Variants in NOL4 observed in about 807,000 individuals in gnomAD.
The protein encoded by NOL4 is cancer/testis antigen 125.
NOL4 carries 17 observed loss-of-function variants against 75.9 expected under a neutral mutation model. The ratio of observed to expected loss-of-function variants is 0.22; its 90% CI spans 0.15 to 0.34. NOL4 has a LOEUF of 0.34. Ranked by LOEUF, NOL4 falls within the 10% of genes least tolerant of loss-of-function variation. The probability of loss-of-function intolerance (pLI) is 1.00; values close to 1 mark genes in which losing one functional copy is unlikely to be tolerated. For missense variants in NOL4, 614 were observed against 793.5 expected, an observed-to-expected ratio of 0.77 and a Z score of 2.72; for synonymous variants, 292 against 289.9, an observed-to-expected ratio of 1.01 and a Z score of -0.07.
intron 6 of NOL4, among the ~76,000 whole-genome samples, chr18:33,982,576 T>A (rs147650488): frequency 1.6e-3 from 245 of 152,130 alleles, no homozygotes; most frequent in African/African-American, 5.6e-3. Context: ...ACACCAACAG[T>A]ACCACAGGGA....
intron 4 of NOL4, among the ~76,000 whole-genome samples, chr18:34,095,449 T>C (rs1168156531): frequency 2.0e-5 from 3 of 152,074 alleles, no homozygotes; most frequent in Non-Finnish European, 2.9e-5. Context: ...TGTGATGTCA[T>C]AGTATTTTAG....
intron 5 of NOL4, among the ~76,000 whole-genome samples, chr18:34,074,215 AT>A (rs1242885890): frequency 1.8e-4 from 27 of 146,682 alleles, no homozygotes; most frequent in East Asian, 5.8e-4. Flanking sequence ...CAATATTCAT[AT>A]TTTTTAATAT....
intron 5 of NOL4, among the ~76,000 whole-genome samples, chr18:34,066,720 G>T (rs1385392987): frequency 6.7e-6 from 1 of 149,352 alleles, no homozygotes; most frequent in Non-Finnish European, 1.5e-5. Context: ...AAGTATAAGT[G>T]TATGTTCCTT....
intron 10 of NOL4, among the ~76,000 whole-genome samples, chr18:33,881,123 A>T (rs936652795): frequency 2.0e-5 from 3 of 151,920 alleles, no homozygotes; most frequent in Non-Finnish European, 4.4e-5. Context: ...TTCTCTTTGA[A>T]GCAATTGTGA....
intron 1 of NOL4, chr18:34,156,651 C>G (rs1271733580): frequency 6.6e-6 from 1 of 152,352 alleles, no homozygotes; most frequent in Non-Finnish European, 1.5e-5. Context: ...CACGTCTGTT[C>G]ACTCGTCTCC....
chr18:33,889,933 C>T (rs1010430568), intron 9 of NOL4, among the ~76,000 whole-genome samples: 7 of 152,104 alleles, frequency 4.6e-5, no homozygotes, highest in Admixed American at 3.9e-4. Flanking sequence ...CAATATCATA[C>T]TGAATGGGCA....
chr18:33,932,147 T>C (rs2067733218), intron 9 of NOL4, among the ~76,000 whole-genome samples: 1 of 152,094 alleles, frequency 6.6e-6, no homozygotes, highest in African/African-American at 2.4e-5. Context: ...CATTTCCACA[T>C]TGAAATACAT....
At chr18:33,890,143 G>C (rs1222809598) in intron 9 of NOL4, among the ~76,000 whole-genome samples, 1 of 152,078 alleles carries the variant, frequency 6.6e-6, no homozygotes, top group South Asian at 2.1e-4. Flanking sequence ...AAACCCCATC[G>C]TCTCAGCCCA....
At chr18:33,928,762 C>T (rs1167929243) in intron 9 of NOL4, among the ~76,000 whole-genome samples, 3 of 152,034 alleles carry the variant, frequency 2.0e-5, no homozygotes, top group African/African-American at 7.2e-5. Context: ...AAAAAGCAGT[C>T]TTTAAGATAG....
chr18:33,856,180 T>G (rs1253919238), intron 10 of NOL4, among the ~76,000 whole-genome samples: 2 of 152,036 alleles, frequency 1.3e-5, no homozygotes, highest in Non-Finnish European at 2.9e-5. Flanking sequence ...TGTTTGTATT[T>G]GTAGAATCAA....
intron 4 of NOL4, among the ~76,000 whole-genome samples, chr18:34,097,785 T>C (rs1282194902): frequency 6.6e-6 from 1 of 151,234 alleles, no homozygotes; most frequent in East Asian, 1.9e-4. Context: ...AACATCTTAA[T>C]AGATAAATTG....
chr18:33,865,457 A>T (rs2063385103), intron 10 of NOL4, among the ~76,000 whole-genome samples: 2 of 152,068 alleles, frequency 1.3e-5, no homozygotes, highest in Admixed American at 1.3e-4. Flanking sequence ...GTCTGGAGAT[A>T]TGGAGCCCAC....
At chr18:34,185,265 T>C (rs1430357196) in intron 1 of NOL4, among the ~76,000 whole-genome samples, 1 of 152,114 alleles carries the variant, frequency 6.6e-6, no homozygotes, top group African/African-American at 2.4e-5. Context: ...TGGCAGAACA[T>C]ACAAGACTTC....
intron 6 of NOL4, among the ~76,000 whole-genome samples, chr18:33,974,300 C>T (rs2071321695): frequency 6.6e-6 from 1 of 152,164 alleles, no homozygotes; most frequent in African/African-American, 2.4e-5. Context: ...GGGACTTGCT[C>T]TGGAATAGGC....
At chr18:33,993,200 A>G (rs1234068526) in intron 6 of NOL4, among the ~76,000 whole-genome samples, 1 of 151,924 alleles carries the variant, frequency 6.6e-6, no homozygotes, top group African/African-American at 2.4e-5. Flanking sequence ...ATTAGTCTGA[A>G]CAGCAAATTA....
intron 5 of NOL4, among the ~76,000 whole-genome samples, chr18:34,059,631 T>C (rs1425936209): frequency 1.3e-5 from 2 of 152,098 alleles, no homozygotes; most frequent in Non-Finnish European, 2.9e-5. Flanking sequence ...AACTTTCTCC[T>C]TGTGAAATAA....
intron 1 of NOL4, among the ~76,000 whole-genome samples, chr18:34,163,876 C>G (rs1489250175): frequency 6.6e-6 from 1 of 152,148 alleles, no homozygotes; most frequent in African/African-American, 2.4e-5. Context: ...CAGCATGGTA[C>G]TGGTACCAAA....
Position 34,087,396 on chromosome 18 carries a change from C to T in NOL4, c.772+6069G>A, listed in dbSNP as rs545120154. 5.3e-5 allele frequency among the ~76,000 whole-genome samples: 8 copies of T among 152,170 alleles called. No homozygotes were observed. In the East Asian group the frequency reaches 1.5e-3, roughly 29 times the overall value. On this transcript the variant is annotated intron_variant, in intron 5 of 10. Coordinates refer to ENST00000261592, the MANE Select transcript of NOL4 (RefSeq NM_003787.5). ...AGGATTGTGATAATTTTCGAGTGTA[C>T]AAGTCAAGAGATACACAATGTACAT...
At chr18:33,858,950 G>C (rs555595697) in intron 10 of NOL4, among the ~76,000 whole-genome samples, 32 of 151,874 alleles carry the variant, frequency 2.1e-4, no homozygotes, top group African/African-American at 7.5e-4. Context: ...AAGTATAATG[G>C]TATAAAAATA....
Sources: allele counts gnomAD v4.1 joint callset (sites outside exome capture counted in the v4.1 genomes callset), GRCh38; gene constraint gnomAD v4.1.1; transcripts MANE v1.5; gene names NCBI Gene and HGNC (gene_info 2026-07-23, HGNC 2026-07-21).